DDX21: variants seen among roughly 807,000 people sequenced by gnomAD.
DDX21 encodes nucleolar RNA helicase 2.
Under a neutral mutation model 90.0 loss-of-function variants are expected in DDX21, and 18 were observed. The observed-to-expected ratio is 0.20, with a 90% CI of 0.14 to 0.30. DDX21 has a LOEUF of 0.30. DDX21 is among the 10% of genes least tolerant of loss of function. DDX21 has a pLI of 1.00. For synonymous variants in DDX21, 294 were observed against 318.0 expected, an observed-to-expected ratio of 0.92 and a Z score of 0.80; for missense variants, 673 against 944.5, an observed-to-expected ratio of 0.71 and a Z score of 3.77.
At chr10:68,965,008 T>C (rs898170685) in intron 4 of DDX21, among the ~76,000 whole-genome samples, 1 of 152,158 alleles carries the variant, frequency 6.6e-6, no homozygotes, top group African/African-American at 2.4e-5. Flanking sequence ...GCCCCTTACA[T>C]TGTTGGCTCT....
intron 11 of DDX21, 132 bp downstream of exon 11, chr10:68,974,875 C>T (rs1843074758): frequency 1.6e-6 from 1 of 626,178 alleles, no homozygotes; most frequent in Admixed American, 3.1e-5. Context: ...ACTATGTTGC[C>T]CAGGCTGGTC....
In DDX21 at chr10:68,982,733, G is replaced by A. The variant is rs1359628594; in HGVS notation, c.2273G>A (p.Arg758Gln). The part of the protein sequence containing the change: ...REGSRGPRGQ[R>Q]SGGGNKSNRS... The stretch of plus-strand genomic sequence containing the variant: ...GGCAGTAGAGGCCCGAGAGGACAGC[G>A]ATCAGGAGGTGGCAACAAAAGTAAC... The change falls in exon 15 of 15, where the codon CGA (arginine) becomes CAA (glutamine). Residue 758 changes from arginine to glutamine, a missense_variant. By Grantham distance (43) the Arg-to-Gln change is conservative. Coordinates refer to ENST00000354185, the MANE Select transcript of DDX21 (RefSeq NM_004728.4). 12 of 1,613,990 alleles carry A rather than the reference G, an allele frequency of 7.4e-6. No homozygotes were observed. Among genetic ancestry groups the A allele is most frequent in the Admixed American group, 6.7e-5 (4 of 59,974 alleles).
chr10:68,972,536 A>T (rs1843040855), intron 9 of DDX21, among the ~76,000 whole-genome samples: 1 of 152,214 alleles, frequency 6.6e-6, no homozygotes, highest in African/African-American at 2.4e-5. Context: ...ATCACTTCCA[A>T]CATGAGGACC....
In DDX21 at chr10:68,970,336, T is replaced by G. The variant is rs1843004615; in HGVS notation, c.1372T>G (p.Ser458Ala). The change falls in exon 8 of 15, where the codon TCA becomes GCA. Residue 458 changes from serine (S) to alanine (A), a missense_variant. Coordinates refer to ENST00000354185, the MANE Select transcript of DDX21 (RefSeq NM_004728.4). ...KKEAQELSQN[S>A]AIKQDAQSLH... ...AGAAGCCCAGGAGCTGTCCCAGAAT[T>G]CAGCTATAAAGCAGGTTGGTCCTTC... The G allele has an allele frequency of 6.2e-7, 1 of 1,613,922 alleles. No homozygotes were observed. The highest frequency in any genetic ancestry group is 1.1e-5 in the South Asian group (1 of 91,058).
intron 14 of DDX21, 61 bp from the exon 15 acceptor site, chr10:68,982,482 C>T (rs965728070): frequency 1.3e-6 from 2 of 1,545,414 alleles, no homozygotes; most frequent in African/African-American, 1.4e-5. Flanking sequence ...TTGTTTTTCT[C>T]ATGCTTTTTA....
chr10:68,971,782 A>G (rs1564628409), intron 8 of DDX21, 109 bp from the exon 9 acceptor site: 20 of 1,058,414 alleles, frequency 1.9e-5, no homozygotes, highest in Non-Finnish European at 2.8e-5. Flanking sequence ...AATGTTTTCA[A>G]CAGGCATGTC....
In DDX21 at chr10:68,983,604, T is replaced by C. The variant is rs1843225581; in HGVS notation, c.*792T>C. The C allele has an allele frequency of 6.6e-6, 1 of 150,654 alleles. No individual in the cohort carries two copies. Among genetic ancestry groups the C allele is most frequent in the Non-Finnish European group, 1.5e-5 (1 of 67,866 alleles). The allele number at this position is 150,654 out of a possible 1,614,324, so 9.3% of individuals were successfully genotyped here. On this transcript the variant is annotated 3_prime_UTR_variant, in exon 15 of 15. Transcript: ENST00000354185. Reference sequence around the variant, plus strand: ...TGGATAAATGGTGCTTAAATGGTAATGTACTCCACTTCTTCCTATTGGAAG... The same window carrying C: ...TGGATAAATGGTGCTTAAATGGTAACGTACTCCACTTCTTCCTATTGGAAG...
intron 9 of DDX21, among the ~76,000 whole-genome samples, chr10:68,973,158 G>A (rs1169727746): frequency 2.0e-5 from 3 of 151,916 alleles, no homozygotes; most frequent in Non-Finnish European, 4.4e-5. Context: ...TCATGCCACT[G>A]CACTCCAGCC....
intron 3 of DDX21, among the ~76,000 whole-genome samples, chr10:68,963,084 C>T (rs1273637809): frequency 6.6e-6 from 1 of 152,132 alleles, no homozygotes. Context: ...GTTATGATCA[C>T]ACCACTGTAC....
At chr10:68,967,861 T>C (rs750071797) in intron 6 of DDX21, among the ~76,000 whole-genome samples, 6 of 152,168 alleles carry the variant, frequency 3.9e-5, no homozygotes, top group Non-Finnish European at 8.8e-5. Flanking sequence ...GCCACTTTTA[T>C]ACAGATAGCT....
At chr10:68,956,409 G>C in intron 1 of DDX21, 97 bp downstream of exon 1, 1 of 1,553,946 alleles carries the variant, frequency 6.4e-7, no homozygotes, top group Non-Finnish European at 8.7e-7. Flanking sequence ...GGAGCGCGCG[G>C]CGGATAACAG....
chr10:68,967,302 T>TA (rs1842952544), intron 6 of DDX21, 99 bp downstream of exon 6: 2 of 1,214,072 alleles, frequency 1.6e-6, no homozygotes, highest in African/African-American at 1.5e-5. Flanking sequence ...GCCACCCTAG[T>TA]AACTGGGATT....
rs1269497535 is a variant in DDX21, at chr10:68,959,904, A to G, written c.186A>G (p.Ala62=). ...AAGCTAAACAAGTTAAAAAGAAAGC[A>G]GAGCCTTCTGAAGTTGACATGAATT... ...FPKAKQVKKK[A]EPSEVDMNSP... is the part of the protein sequence containing the mutation. The change falls in exon 2 of 15, where the codon GCA becomes GCG. Residue 62 remains alanine, a synonymous_variant. Coordinates refer to ENST00000354185, the MANE Select transcript of DDX21 (RefSeq NM_004728.4). 6.2e-7 allele frequency: 1 copy of G among 1,607,200 alleles called. No homozygotes were observed. The highest frequency in any genetic ancestry group is 1.1e-5 in the South Asian group (1 of 88,174).
Position 68,982,548 on chromosome 10 carries a change from A to G in DDX21, c.2088A>G (p.Lys696=), listed in dbSNP as rs372815945. The G allele has an allele frequency of 5.0e-6, 8 of 1,602,316 alleles. No homozygotes were observed. The highest frequency in any genetic ancestry group is 2.7e-5 in the African/African-American group (2 of 74,684). Residue 696 remains lysine, a synonymous_variant, in exon 15 of 15, where the codon AAA becomes AAG. Transcript: ENST00000354185. ...ACAAAACATTCTCTCAACAGGAGAA[A>G]TGGCATGATTCACGACGCTGGCAGC... ...PTASVTEIQE[K]WHDSRRWQLS...
intron 5 of DDX21, 64 bp from the exon 6 acceptor site, chr10:68,966,953 TG>T: frequency 7.2e-7 from 1 of 1,389,934 alleles, no homozygotes; most frequent in Non-Finnish European, 9.9e-7. Context: ...CAGTTAACTG[TG>T]GTACCCCACA....
Position 68,956,213 on chromosome 10 carries a change from A to G in DDX21, c.-13A>G, listed in dbSNP as rs1446675285. The G allele has an allele frequency of 3.7e-6, 6 of 1,613,876 alleles. No individual in the cohort carries two copies. In the East Asian group the frequency reaches 6.7e-5, roughly 18 times the overall value. On this transcript the variant is annotated 5_prime_UTR_variant, in exon 1 of 15. Coordinates refer to ENST00000354185, the MANE Select transcript of DDX21 (RefSeq NM_004728.4). ...TTGAGAAGACCGGTCGGCCTGGGCA[A>G]CCTGCGCTGAAGATGCCGGGAAAAC...
At chr10:68,973,510 T>G (rs5030899) in intron 9 of DDX21, 35 bp from the exon 10 acceptor site, 291,879 of 1,611,962 alleles carry the variant, frequency 0.18, 31,081 homozygotes, top group East Asian at 0.5. Context: ...CTCTCTTTTT[T>G]GGTTTAGTGT....
chr10:68,978,170 A>T (rs924780583), intron 12 of DDX21, among the ~76,000 whole-genome samples: 1 of 152,074 alleles, frequency 6.6e-6, no homozygotes, highest in Non-Finnish European at 1.5e-5. Flanking sequence ...ACACACATAC[A>T]TGCAAATCCA....
Position 68,959,793 on chromosome 10 carries a change from G to A in DDX21, c.88-13G>A, listed in dbSNP as rs1257741624. 1 of 1,517,144 alleles carries A rather than the reference G, an allele frequency of 6.6e-7. No homozygotes were observed. Among genetic ancestry groups the A allele is most frequent in the Non-Finnish European group, 8.8e-7 (1 of 1,139,292 alleles). 94.0% of individuals were successfully genotyped at this position (1,517,144 alleles called of 1,614,324 possible). ...TATTCAGTGTTTGTATTTTCCTTAT[G>A]AATTTTTTTTAGAAAGAGAAAAAAG... On this transcript the variant is annotated splice_polypyrimidine_tract_variant and intron_variant, in intron 1 of 14. Coordinates refer to ENST00000354185, the MANE Select transcript of DDX21 (RefSeq NM_004728.4).
Sources: gnomAD v4.1 joint callset for allele counts (sites outside exome capture counted in the v4.1 genomes callset) on GRCh38, gnomAD v4.1.1 for gene constraint, MANE v1.5 for transcripts, NCBI Gene and HGNC (gene_info 2026-07-23, HGNC 2026-07-21) for gene names.